Variants in RGS5 observed in about 807,000 individuals in gnomAD.
RGS5 encodes the protein regulator of G-protein signalling 5.
Under a neutral mutation model 18.9 loss-of-function variants are expected in RGS5, and 20 were observed. The observed-to-expected ratio is 1.06, with a 90% CI of 0.74 to 1.54. The LOEUF (loss-of-function observed/expected upper bound fraction) is 1.54. Among genes scored for constraint, RGS5 ranks in the 40% most tolerant of loss-of-function variants. The pLI is 0.00. For synonymous variants in RGS5, 57 were observed against 76.2 expected (o/e 0.75, Z 1.31); for missense variants, 201 against 211.8 (o/e 0.95, Z 0.32).
chr1:163,183,765 C>A (rs997457118), intron 1 of RGS5, among the ~76,000 whole-genome samples: 1 of 152,284 alleles, frequency 6.6e-6, no homozygotes, highest in Non-Finnish European at 1.5e-5. Flanking sequence ...GGGATAGCTT[C>A]TCCCTGAGGG....
intron 1 of RGS5, 139 bp from the exon 2 acceptor site, chr1:163,168,507 C>T: frequency 6.2e-6 from 4 of 647,302 alleles, no homozygotes; most frequent in South Asian, 3.8e-5. Context: ...AGAAAGAATA[C>T]TAATGCAGAA....
chr1:163,227,068 T>G (rs1647354039), intron 2 of RGS5, among the ~76,000 whole-genome samples: 1 of 152,228 alleles, frequency 6.6e-6, no homozygotes, highest in African/African-American at 2.4e-5. Context: ...ATTTAGCCTC[T>G]TAAATGTTTG....
At chr1:163,247,598 ATATG>A (rs1251326528) in intron 2 of RGS5, among the ~76,000 whole-genome samples, 2 of 150,960 alleles carry the variant, frequency 1.3e-5, no homozygotes, top group Non-Finnish European at 2.9e-5. Context: ...ATATATATAT[ATATG>A]TATACGTATG....
chr1:163,282,036 T>C (rs1649004955), intron 2 of RGS5, among the ~76,000 whole-genome samples: 1 of 142,288 alleles, frequency 7.0e-6, no homozygotes. Context: ...ACTTCAGAAG[T>C]GCACGCGCGC....
At chr1:163,190,449 G>T (rs573797709) in intron 1 of RGS5, among the ~76,000 whole-genome samples, 2 of 152,292 alleles carry the variant, frequency 1.3e-5, no homozygotes, top group East Asian at 3.9e-4. Flanking sequence ...GCCTGGAAAA[G>T]TTCCATAGTA....
chr1:163,285,240 C>T (rs1649113076), intron 2 of RGS5, among the ~76,000 whole-genome samples: 1 of 152,108 alleles, frequency 6.6e-6, no homozygotes, highest in Non-Finnish European at 1.5e-5. Flanking sequence ...TTGACAAGTT[C>T]CCAAGGACAA....
At chr1:163,148,267 C>T in intron 4 of RGS5, among the ~76,000 whole-genome samples, 1 of 152,084 alleles carries the variant, frequency 6.6e-6, no homozygotes, top group South Asian at 2.1e-4. Context: ...CATTTGGTTT[C>T]ACGTCTATTG....
intron 1 of RGS5, among the ~76,000 whole-genome samples, chr1:163,184,265 T>C (rs1043250379): frequency 2.0e-5 from 3 of 152,152 alleles, no homozygotes; most frequent in African/African-American, 4.8e-5. Context: ...TGTAATTTTA[T>C]GTACTTCAAA....
At chr1:163,169,388 T>A (rs2102402890) in intron 1 of RGS5, among the ~76,000 whole-genome samples, 1 of 152,320 alleles carries the variant, frequency 6.6e-6, no homozygotes, top group Non-Finnish European at 1.5e-5. Flanking sequence ...AGTAATAGGA[T>A]GGCTGGGTCA....
chr1:163,175,817 G>A (rs904478999), intron 1 of RGS5, among the ~76,000 whole-genome samples: 1 of 152,002 alleles, frequency 6.6e-6, no homozygotes, highest in Non-Finnish European at 1.5e-5. Context: ...ATGACTCTAT[G>A]GTTAGTTAAT....
chr1:163,245,937 C>T (rs1039669245), intron 2 of RGS5, among the ~76,000 whole-genome samples: 5 of 152,286 alleles, frequency 3.3e-5, no homozygotes, highest in Non-Finnish European at 4.4e-5. Context: ...AATACCAGTC[C>T]GGGGGCTGTG....
In RGS5 at chr1:163,144,500, G is replaced by A. The variant is rs1008259612; in HGVS notation, c.*2842C>T. 6.6e-6 allele frequency: 1 copy of A among 152,324 alleles called. No individual in the cohort carries two copies. The highest frequency in any genetic ancestry group is 1.5e-5 in the Non-Finnish European group (1 of 67,974). 9.4% of individuals were successfully genotyped at this position (152,324 alleles called of 1,614,324 possible). A position where few individuals can be genotyped will look rare whatever the true frequency, so the allele number is the denominator to read the frequency against. Reference sequence around the variant, plus strand: ...TCCTATTTCCATTGACCACAATTTGGTTCCACCACCTTTCTACATCCTCAA... The same window carrying A: ...TCCTATTTCCATTGACCACAATTTGATTCCACCACCTTTCTACATCCTCAA... On this transcript the variant is annotated 3_prime_UTR_variant, in exon 5 of 5. Transcript: ENST00000313961.
At chr1:163,212,247 T>G (rs906601219) in intron 1 of RGS5, 3 of 152,202 alleles carry the variant, frequency 2.0e-5, no homozygotes, top group Non-Finnish European at 4.4e-5. Context: ...CTTATTTCCT[T>G]GGTATACACT....
At chr1:163,226,998 A>C (rs1426893416) in intron 2 of RGS5, among the ~76,000 whole-genome samples, 1 of 152,240 alleles carries the variant, frequency 6.6e-6, no homozygotes, top group African/African-American at 2.4e-5. Context: ...AAATACTCTC[A>C]CAACTTCCAG....
chr1:163,212,719 C>T (rs1455348015), intron 1 of RGS5: 1 of 152,242 alleles, frequency 6.6e-6, no homozygotes, highest in Non-Finnish European at 1.5e-5. Context: ...CACCACTAAC[C>T]TAAGTATCTA....
chr1:163,280,641 A>G (rs915371707), intron 2 of RGS5, among the ~76,000 whole-genome samples: 3 of 152,152 alleles, frequency 2.0e-5, no homozygotes, highest in African/African-American at 7.2e-5. Context: ...AAAACTTCCC[A>G]TGATCATGGA....
At chr1:163,162,916 C>T (rs987758722) in intron 2 of RGS5, 6 of 151,932 alleles carry the variant, frequency 3.9e-5, no homozygotes, top group African/African-American at 1.5e-4. Context: ...ACTGACAAAG[C>T]ATTTACTAGA....
chr1:163,301,454 T>C (rs1649548250), intron 2 of RGS5, among the ~76,000 whole-genome samples: 1 of 152,122 alleles, frequency 6.6e-6, no homozygotes, highest in South Asian at 2.1e-4. Context: ...CACTTCAGCT[T>C]CCTGAGTATC....
At chr1:163,154,048 C>T (rs1409053790) in intron 3 of RGS5, among the ~76,000 whole-genome samples, 4 of 152,172 alleles carry the variant, frequency 2.6e-5, no homozygotes, top group African/African-American at 9.7e-5. Context: ...GTCACCAGTA[C>T]TTTAGGGTCC....
Sources: gnomAD v4.1 joint callset for allele counts (sites outside exome capture counted in the v4.1 genomes callset) on GRCh38, gnomAD v4.1.1 for gene constraint, MANE v1.5 for transcripts, NCBI Gene and HGNC (gene_info 2026-07-23, HGNC 2026-07-21) for gene names.